Variants in BZW1 observed in about 807,000 individuals in gnomAD.
The protein encoded by BZW1 is eIF5-mimic protein 2.
Under a neutral mutation model 54.1 loss-of-function variants are expected in BZW1, and 3 were observed. The ratio of observed to expected loss-of-function variants is 0.06; its 90% CI spans 0.03 to 0.14. The LOEUF is 0.14. BZW1 is among the 10% of genes least tolerant of loss of function. BZW1 has a pLI of 1.00. For synonymous variants in BZW1, 152 were observed against 162.7 expected (o/e 0.93, Z 0.50); for missense variants, 206 against 491.7 (o/e 0.42, Z 5.50).
At chr2:200,818,155 C>A in intron 7 of BZW1, 68 bp from the exon 8 acceptor site, 1 of 1,509,682 alleles carries the variant, frequency 6.6e-7, no homozygotes, top group South Asian at 1.3e-5. Context: ...ATTTTTAAGA[C>A]TGTGAAAAGA....
chr2:200,813,794 G>A (rs543190157), intron 2 of BZW1, among the ~76,000 whole-genome samples: 2 of 151,864 alleles, frequency 1.3e-5, no homozygotes, highest in East Asian at 1.9e-4. Context: ...TTTTGCATTA[G>A]TGTGTACTTA....
chr2:200,819,104 T>C, intron 9 of BZW1: 1 of 620,586 alleles, frequency 1.6e-6, no homozygotes, highest in Non-Finnish European at 2.6e-6. Context: ...AACAAGAATA[T>C]GGCCTGGCCA....
At position 200,826,393 on chromosome 2, in the gene BZW1, ATAGATAGATAGATATTTTTT is replaced by A. The variant is rs1559318292; in HGVS notation, c.*4217_*4236del. 9 of 113,082 alleles carry A rather than the reference ATAGATAGATAGATATTTTTT, an allele frequency of 8.0e-5. 1 individual carries two copies. The highest frequency in any genetic ancestry group is 2.9e-4 in the African/African-American group (8 of 27,794). The allele number at this position is 113,082 out of a possible 1,614,324, so 7.0% of individuals were successfully genotyped here. On this transcript the variant is annotated 3_prime_UTR_variant, in exon 12 of 12. Transcript: ENST00000409600. Reference sequence around the variant, plus strand: ...AAGATATAGATAGATAGATAGATAGATAGATAGATAGATATTTTTTTTTTTTTTTTTTTTTTTTTTTTTTT... The same window carrying A: ...AAGATATAGATAGATAGATAGATAGATTTTTTTTTTTTTTTTTTTTTTTTT...
At chr2:200,813,631 C>T (rs187774460) in intron 2 of BZW1, among the ~76,000 whole-genome samples, 1 of 152,176 alleles carries the variant, frequency 6.6e-6, no homozygotes, top group Non-Finnish European at 1.5e-5. Context: ...AAAAGGAGAA[C>T]TCCTAATGTA....
In BZW1 at chr2:200,818,323, C is replaced by G. The variant is rs1374270756; in HGVS notation, c.749C>G (p.Thr250Ser). 2 of 1,610,452 alleles carry G rather than the reference C, an allele frequency of 1.2e-6. No homozygotes were observed. Among genetic ancestry groups the G allele is most frequent in the African/African-American group, 2.7e-5 (2 of 74,528 alleles). ...TCAGAATATGTTCGGAATCAGCAAA[C>G]CATCGGAGCTCGTAAGGAGCTCCAG... ...ELSEYVRNQQ[T>S]IGARKELQKE... Residue 250 changes from threonine to serine, a missense_variant, in exon 8 of 12, where the codon ACC becomes AGC. By Grantham distance (58) the Thr-to-Ser change is moderately conservative. Coordinates refer to ENST00000409600, the MANE Select transcript of BZW1 (RefSeq NM_001207067.2).
intron 1 of BZW1, 104 bp from the exon 2 acceptor site, chr2:200,813,104 G>T: frequency 1.1e-6 from 1 of 892,992 alleles, no homozygotes; most frequent in East Asian, 2.6e-5. Context: ...TCCTGAGAGT[G>T]GGTGTTCCAT....
intron 1 of BZW1, 25 bp downstream of exon 1, chr2:200,812,015 C>A: frequency 2.6e-6 from 1 of 387,886 alleles, no homozygotes; most frequent in Non-Finnish European, 4.5e-6. Flanking sequence ...CCCGCTCACC[C>A]CGGGCGGACG....
intron 1 of BZW1, chr2:200,812,371 G>A: frequency 3.9e-6 from 5 of 1,282,360 alleles, no homozygotes; most frequent in East Asian, 3.1e-5. Context: ...CGCTGCGGCC[G>A]CCGCCTCCGC....
intron 10 of BZW1, among the ~76,000 whole-genome samples, chr2:200,820,561 A>G (rs1170297809): frequency 3.9e-5 from 6 of 152,202 alleles, no homozygotes; most frequent in Admixed American, 3.3e-4. Context: ...GCAAGCCTGT[A>G]GTCCCAGCAA....
intron 2 of BZW1, 150 bp from the exon 3 acceptor site, chr2:200,815,191 C>T: frequency 1.3e-6 from 1 of 777,640 alleles, no homozygotes; most frequent in Non-Finnish European, 2.0e-6. Context: ...GTGAGTGGGC[C>T]ATCTTGTCTT....
chr2:200,822,966 T>A lies in BZW1; in HGVS notation c.*788T>A. 6.0e-6 allele frequency: 1 copy of A among 166,998 alleles called. No individual in the cohort carries two copies. 10.3% of individuals were successfully genotyped at this position (166,998 alleles called of 1,614,324 possible). A position where few individuals can be genotyped will look rare whatever the true frequency, so the allele number is the denominator to read the frequency against. On this transcript the variant is annotated 3_prime_UTR_variant, in exon 12 of 12. Transcript: ENST00000409600. ...GCAAAACAAATGGGTATTCTTTTCA[T>A]ACAACCATTTTCAAATGAACCTTAG...
Position 200,818,297 on chromosome 2 carries a change from T to G in BZW1, c.723T>G (p.Leu241=), listed in dbSNP as rs774202367. The G allele has an allele frequency of 1.9e-6, 3 of 1,611,616 alleles. No homozygotes were observed. The highest frequency in any genetic ancestry group is 2.5e-6 in the Non-Finnish European group (3 of 1,179,174). The change falls in exon 8 of 12, where the codon CTT becomes CTG. Residue 241 remains leucine (L), a synonymous_variant. Coordinates refer to ENST00000409600, the MANE Select transcript of BZW1 (RefSeq NM_001207067.2). ...KYFTEAGLKE[L]SEYVRNQQTI... ...TTACTGAGGCAGGCTTGAAAGAGCT[T>G]TCAGAATATGTTCGGAATCAGCAAA...
At chr2:200,813,393 A>G in intron 2 of BZW1, 112 bp downstream of exon 2, 1 of 928,674 alleles carries the variant, frequency 1.1e-6, no homozygotes, top group Non-Finnish European at 1.6e-6. Flanking sequence ...AGATACCAGA[A>G]AGAAACTTGA....
intron 1 of BZW1, chr2:200,812,629 G>A (rs777887459): frequency 6.3e-5 from 82 of 1,303,016 alleles, no homozygotes; most frequent in South Asian, 1.9e-4. Context: ...TACCGGGGAG[G>A]AGGCTAGGAC....
In BZW1 at chr2:200,824,480, T is replaced by C. The variant is rs971329935; in HGVS notation, c.*2302T>C. The C allele has an allele frequency of 3.3e-5, 5 of 151,970 alleles. No homozygotes were observed. The highest frequency in any genetic ancestry group is 6.6e-5 in the Admixed American group (1 of 15,266). 9.4% of individuals were successfully genotyped at this position (151,970 alleles called of 1,614,324 possible). A position where few individuals can be genotyped will look rare whatever the true frequency, so the allele number is the denominator to read the frequency against. ...AGCCTTACTCTGTGAGTTATAGATG[T>C]TATTTCATTCTATATATAGATGTTT... On this transcript the variant is annotated 3_prime_UTR_variant, in exon 12 of 12. Transcript: ENST00000409600.
chr2:200,817,082 C>G (rs201593871), intron 5 of BZW1, 24 bp from the exon 6 acceptor site: 2 of 1,610,514 alleles, frequency 1.2e-6, no homozygotes, highest in Admixed American at 1.7e-5. Context: ...CTGTTTTAAC[C>G]CTTAATTGTT....
chr2:200,823,917 TTACTG>T lies in BZW1; in HGVS notation c.*1742_*1746del, dbSNP rs987245763. 5 of 152,258 alleles carry T rather than the reference TTACTG, an allele frequency of 3.3e-5. No homozygotes were observed. The highest frequency in any genetic ancestry group is 1.3e-4 in the Admixed American group (2 of 15,284). 9.4% of individuals were successfully genotyped at this position (152,258 alleles called of 1,614,324 possible). On this transcript the variant is annotated 3_prime_UTR_variant, in exon 12 of 12. Coordinates refer to ENST00000409600, the MANE Select transcript of BZW1 (RefSeq NM_001207067.2). ...TTGTATGTTGTGTGTTCAGATGTCT[TTACTG>T]TATCTGTATACCATTAAGTAATAAT... is the stretch of plus-strand genomic sequence containing the variant.
At chr2:200,816,785 G>C (rs2038308618) in intron 5 of BZW1, among the ~76,000 whole-genome samples, 1 of 152,130 alleles carries the variant, frequency 6.6e-6, no homozygotes, top group African/African-American at 2.4e-5. Flanking sequence ...AACACGCCTG[G>C]CCCAATATTG....
At chr2:200,816,167 G>C (rs1174584301) in intron 4 of BZW1, among the ~76,000 whole-genome samples, 158 bp from the exon 5 acceptor site, 2 of 152,208 alleles carry the variant, frequency 1.3e-5, no homozygotes, top group Non-Finnish European at 2.9e-5. Context: ...TGTAAGCAAA[G>C]AATTAAAGTA....
Sources: gnomAD v4.1 joint callset for allele counts (sites outside exome capture counted in the v4.1 genomes callset) on GRCh38, gnomAD v4.1.1 for gene constraint, MANE v1.5 for transcripts, NCBI Gene and HGNC (gene_info 2026-07-23, HGNC 2026-07-21) for gene names.